DCDC2C: variants seen among roughly 807,000 people sequenced by gnomAD.
DCDC2C encodes doublecortin domain-containing protein 2C.
Under a neutral mutation model 45.0 loss-of-function variants are expected in DCDC2C, and 44 were observed. That is an observed-to-expected ratio of 0.98 (90% confidence interval 0.77 to 1.26). The LOEUF (loss-of-function observed/expected upper bound fraction) is 1.26. Among genes scored for constraint, DCDC2C ranks in the 50% most tolerant of loss-of-function variants. DCDC2C has a pLI of 0.00. For missense variants in DCDC2C, 447 were observed against 468.9 expected (o/e 0.95, Z 0.43); for synonymous variants, 187 against 178.8 (o/e 1.05, Z -0.37).
intron 10 of DCDC2C, among the ~76,000 whole-genome samples, chr2:3,835,818 A>G (rs1672062696): frequency 6.6e-6 from 1 of 151,914 alleles, no homozygotes; most frequent in South Asian, 2.1e-4. Flanking sequence ...ATCATTGCCC[A>G]TTGCAGCATC....
chr2:3,774,510 A>G (rs1041169636), intron 8 of DCDC2C, among the ~76,000 whole-genome samples: 11 of 152,324 alleles, frequency 7.2e-5, no homozygotes, highest in African/African-American at 2.6e-4. Flanking sequence ...TCAAGGTGGC[A>G]GTCTCTGCTG....
At chr2:3,707,592 C>A (rs775660550) in intron 1 of DCDC2C, among the ~76,000 whole-genome samples, 1 of 152,118 alleles carries the variant, frequency 6.6e-6, no homozygotes, top group Non-Finnish European at 1.5e-5. Context: ...TTTTGGTCTC[C>A]CTTGGAAAAA....
chr2:3,763,281 A>T (rs1248378771), intron 6 of DCDC2C, among the ~76,000 whole-genome samples: 3 of 152,232 alleles, frequency 2.0e-5, no homozygotes, highest in Admixed American at 1.3e-4. Flanking sequence ...GGCAGGCACC[A>T]TCTCCATTCT....
intron 3 of DCDC2C, among the ~76,000 whole-genome samples, chr2:3,740,664 A>G (rs56855964): frequency 8.3e-4 from 126 of 152,320 alleles, no homozygotes; most frequent in African/African-American, 2.9e-3. Flanking sequence ...ATTCTGATAT[A>G]ACTTGCATGG....
chr2:3,847,094 CTG>C (rs1179197278), intron 10 of DCDC2C, 58 bp from the exon 11 acceptor site: 2 of 973,960 alleles, frequency 2.1e-6, no homozygotes, highest in South Asian at 4.8e-5. Context: ...CAGAAACAAA[CTG>C]TGGCCAGATC....
At chr2:3,762,159 A>C (rs1483643339) in intron 6 of DCDC2C, among the ~76,000 whole-genome samples, 1 of 43,312 alleles carries the variant, frequency 2.3e-5, no homozygotes, top group Non-Finnish European at 5.2e-5. Context: ...TTCTTGCTTG[A>C]ACCTTTTTTT....
chr2:3,750,700 G>A (rs1669519493), intron 4 of DCDC2C, among the ~76,000 whole-genome samples: 1 of 152,104 alleles, frequency 6.6e-6, no homozygotes, highest in Non-Finnish European at 1.5e-5. Flanking sequence ...CTGCCGGCGA[G>A]TTTTCCTGCA....
intron 10 of DCDC2C, among the ~76,000 whole-genome samples, chr2:3,819,682 G>C (rs1051568016): frequency 6.6e-6 from 1 of 152,210 alleles, no homozygotes. Context: ...GCTGCCAAAC[G>C]AGCCATGAAC....
chr2:3,795,820 C>A (rs1345906615), intron 10 of DCDC2C, among the ~76,000 whole-genome samples: 1 of 136,792 alleles, frequency 7.3e-6, no homozygotes, highest in Non-Finnish European at 1.6e-5. Flanking sequence ...CAGCTTTGTT[C>A]TTTTGGCTTA....
chr2:3,752,584 C>A (rs370565683), intron 4 of DCDC2C, 179 bp from the exon 5 acceptor site: 1 of 734,780 alleles, frequency 1.4e-6, no homozygotes, highest in South Asian at 1.5e-5. Flanking sequence ...CAAGTCTAAT[C>A]CTGGAAGAGC....
chr2:3,793,692 C>T (rs1486430796), intron 10 of DCDC2C, among the ~76,000 whole-genome samples: 1 of 152,206 alleles, frequency 6.6e-6, no homozygotes, highest in East Asian at 1.9e-4. Context: ...TTCCAAATAG[C>T]AGGCATCCAG....
chr2:3,805,215 G>A (rs1049423363), intron 10 of DCDC2C, among the ~76,000 whole-genome samples: 1 of 152,210 alleles, frequency 6.6e-6, no homozygotes, highest in African/African-American at 2.4e-5. Flanking sequence ...TGCATGAAAG[G>A]TCCAAGTAAT....
chr2:3,742,333 T>A (rs765063687), intron 4 of DCDC2C, among the ~76,000 whole-genome samples: 1 of 152,148 alleles, frequency 6.6e-6, no homozygotes, highest in Non-Finnish European at 1.5e-5. Context: ...CCCTATTGAG[T>A]GGGCCGACCG....
intron 10 of DCDC2C, among the ~76,000 whole-genome samples, chr2:3,791,956 C>G (rs1670823981): frequency 6.6e-6 from 1 of 151,718 alleles, no homozygotes; most frequent in Non-Finnish European, 1.5e-5. Flanking sequence ...GCACCCAATT[C>G]CTCAGTAGCC....
At chr2:3,776,231 G>A (rs10178286) in intron 8 of DCDC2C, among the ~76,000 whole-genome samples, 51,149 of 151,980 alleles carry the variant, frequency 0.34, 8,732 homozygotes, top group South Asian at 0.45. Flanking sequence ...ATATGAGCAC[G>A]CTGAAATCAC....
chr2:3,845,925 A>G (rs186286880), intron 10 of DCDC2C, among the ~76,000 whole-genome samples: 1 of 152,250 alleles, frequency 6.6e-6, no homozygotes, highest in East Asian at 1.9e-4. Context: ...GTAAAATGAG[A>G]ATGATAGTAG....
intron 8 of DCDC2C, among the ~76,000 whole-genome samples, chr2:3,775,103 AGTGGCTCTGAGCTAGGCAGCT>A (rs1670296457): frequency 6.9e-6 from 1 of 145,204 alleles, no homozygotes; most frequent in Non-Finnish European, 1.5e-5. Context: ...CAACGTAGGG[AGTGGCTCTGAGCTAGGCAGCT>A]GTGGCTGTGA....
chr2:3,791,315 G>A (rs944810298), intron 10 of DCDC2C, among the ~76,000 whole-genome samples: 16 of 152,142 alleles, frequency 1.1e-4, no homozygotes, highest in Admixed American at 2.6e-4. Flanking sequence ...TCGCCTTTTC[G>A]TGTGGTGGGC....
At chr2:3,834,335 T>C (rs985915157) in intron 10 of DCDC2C, among the ~76,000 whole-genome samples, 2 of 152,212 alleles carry the variant, frequency 1.3e-5, no homozygotes, top group Non-Finnish European at 2.9e-5. Context: ...AAAAATCCCG[T>C]GTCCCCCCAT....
Sources: gnomAD v4.1 joint callset for allele counts (sites outside exome capture counted in the v4.1 genomes callset) on GRCh38, gnomAD v4.1.1 for gene constraint, MANE v1.5 for transcripts, NCBI Gene and HGNC (gene_info 2026-07-23, HGNC 2026-07-21) for gene names.